The following ASH1L variants were observed in gnomAD, a reference collection of about 807,000 sequenced individuals.
The protein encoded by ASH1L is histone-lysine N-methyltransferase ASH1L.
A neutral mutation model predicts 269.0 loss-of-function variants in ASH1L; 23 were observed. The observed-to-expected ratio is 0.09, with a 90% confidence interval of 0.06 to 0.12. ASH1L has a LOEUF of 0.12. ASH1L is among the 10% of genes least tolerant of loss of function. The probability of loss-of-function intolerance (pLI) is 1.00; values close to 1 mark genes in which losing one functional copy is unlikely to be tolerated. For missense variants in ASH1L, 2,912 were observed against 3,567.8 expected (o/e 0.82, Z 4.68); for synonymous variants, 1,187 against 1,253.5 (o/e 0.95, Z 1.12).
intron 6 of ASH1L, among the ~76,000 whole-genome samples, chr1:155,410,886 G>C (rs765009406): frequency 6.6e-6 from 1 of 151,986 alleles, no homozygotes; most frequent in South Asian, 2.1e-4. Flanking sequence ...GATTACAGGC[G>C]TGAGCAATCG....
chr1:155,465,055 A>G (rs1035599811), intron 3 of ASH1L, among the ~76,000 whole-genome samples: 4 of 152,162 alleles, frequency 2.6e-5, no homozygotes, highest in African/African-American at 7.2e-5. Flanking sequence ...TGGAGGAACT[A>G]AAACAAACCA....
At chr1:155,413,915 A>G (rs1660004659) in intron 6 of ASH1L, among the ~76,000 whole-genome samples, 1 of 152,228 alleles carries the variant, frequency 6.6e-6, no homozygotes, top group African/African-American at 2.4e-5. Flanking sequence ...TATTATAATT[A>G]GCTAAACTTA....
chr1:155,422,262 G>A (rs1457481864), intron 5 of ASH1L, among the ~76,000 whole-genome samples: 5 of 149,914 alleles, frequency 3.3e-5, no homozygotes, highest in East Asian at 2.0e-4. Flanking sequence ...TCAGCCTCCC[G>A]AGTAGCTGGG....
At position 155,528,238 on chromosome 1, in the gene ASH1L, T is replaced by C. The variant is rs149424462; in HGVS notation, c.-99-6620A>G. Among the ~76,000 whole-genome samples, 47 of 152,298 alleles carry C rather than the reference T, an allele frequency of 3.1e-4. No individual in the cohort carries two copies. In the East Asian group the frequency reaches 8.3e-3, roughly 27 times the overall value. On this transcript the variant is annotated intron_variant, in intron 1 of 27. Transcript: ENST00000392403. ...CAGGTTTCATTTCAAAATATGGTAATTCCAAAGAGAAATATTTAGGCCAAA... is the reference window on the plus strand; with the variant it reads ...CAGGTTTCATTTCAAAATATGGTAACTCCAAAGAGAAATATTTAGGCCAAA...
chr1:155,403,856 T>G (rs1471619804), intron 6 of ASH1L, among the ~76,000 whole-genome samples: 4 of 151,060 alleles, frequency 2.6e-5, no homozygotes, highest in Non-Finnish European at 5.9e-5. Flanking sequence ...CCTCTTTCAC[T>G]TCCTGCTGCA....
chr1:155,338,417 G>A (rs1002711001), intron 26 of ASH1L, 27 bp from the exon 27 acceptor site: 4 of 1,597,722 alleles, frequency 2.5e-6, no homozygotes, highest in Admixed American at 1.7e-5. Flanking sequence ...TGAATTTAGT[G>A]TAAGACACTT....
intron 1 of ASH1L, among the ~76,000 whole-genome samples, chr1:155,549,803 T>G (rs914707609): frequency 1.3e-5 from 2 of 152,030 alleles, no homozygotes; most frequent in African/African-American, 4.8e-5. Context: ...CTCATTTCTG[T>G]ACTCCTTATA....
In ASH1L at chr1:155,478,171, A is replaced by G. The variant is rs761177906; in HGVS notation, c.4699T>C (p.Leu1567=). ...AAAGGTGTCTGCAATCCCAAGGCCA[A>G]TGGACTAGATTCTGAAGGCTCTCGG... The part of the protein sequence containing the change: ...VHREPSESSP[L]ALGLQTPLQI... Residue 1567 remains leucine (L), a synonymous_variant, in exon 3 of 28, where the codon TTG becomes CTG. Transcript: ENST00000392403. The surrounding 1 kb of genome is among the most constrained non-coding windows in gnomAD (Gnocchi z 4.6). 3 of 1,614,054 alleles carry G rather than the reference A, an allele frequency of 1.9e-6. No homozygotes were observed. The Admixed American group carries it at 5.0e-5, about 27-fold the overall frequency.
At chr1:155,500,629 G>A (rs1430791973) in intron 2 of ASH1L, among the ~76,000 whole-genome samples, 1 of 152,122 alleles carries the variant, frequency 6.6e-6, no homozygotes, top group Non-Finnish European at 1.5e-5. Flanking sequence ...ATGACAGAAT[G>A]TGCCTATCTT....
Position 155,339,351 on chromosome 1 carries a change from G to C in ASH1L, c.8478C>G (p.Asp2826Glu), listed in dbSNP as rs367682239. ...ACCGTCCTCCATTCCTCTTGTAGTT[G>C]TCTGGGACGTAATGAGGCTGCAGAG... ...KKDFSPHYVP[D>E]NYKRNGGRSS... The change falls in exon 26 of 28, where the codon GAC becomes GAG. Residue 2826 changes from aspartate to glutamate, a missense_variant. Physicochemically the swap from Asp to Glu is conservative, Grantham distance 45. This residue lies in a region of ASH1L where 179 missense variants were observed against 293.8 expected (regional missense o/e 0.61). Transcript: ENST00000392403. 30 of 1,613,576 alleles carry C rather than the reference G, an allele frequency of 1.9e-5. No individual in the cohort carries two copies. The highest frequency in any genetic ancestry group is 1.8e-4 in the Admixed American group (11 of 59,986).
At chr1:155,451,197 C>CA (rs71080705) in intron 4 of ASH1L, among the ~76,000 whole-genome samples, 7,508 of 83,998 alleles carry the variant, frequency 0.089, 281 homozygotes, top group African/African-American at 0.11. Context: ...AACTCCACCT[C>CA]AAAAAAAAAA....
chr1:155,399,433 G>A (rs1019390851), intron 6 of ASH1L, among the ~76,000 whole-genome samples: 14 of 152,088 alleles, frequency 9.2e-5, no homozygotes, highest in African/African-American at 3.1e-4. Flanking sequence ...ACCTGAGGTC[G>A]GGAGTTCAAG....
At chr1:155,519,268 C>G (rs1668705456) in intron 2 of ASH1L, among the ~76,000 whole-genome samples, 1 of 151,978 alleles carries the variant, frequency 6.6e-6, no homozygotes, top group Non-Finnish European at 1.5e-5. Flanking sequence ...AACCCCATCT[C>G]TACTAAAAAA....
intron 6 of ASH1L, among the ~76,000 whole-genome samples, chr1:155,410,658 T>C (rs1659686520): frequency 6.6e-6 from 1 of 151,202 alleles, no homozygotes. Context: ...TATTCTGTTG[T>C]ATGATATTAC....
intron 2 of ASH1L, among the ~76,000 whole-genome samples, chr1:155,496,679 C>T (rs1378326127): frequency 6.6e-6 from 1 of 152,148 alleles, no homozygotes. Flanking sequence ...TGCTCTGTCA[C>T]ATAGGCTGGA....
chr1:155,367,043 G>C (rs930243502), intron 12 of ASH1L, among the ~76,000 whole-genome samples: 12 of 149,254 alleles, frequency 8.0e-5, no homozygotes, highest in Middle Eastern at 3.2e-3. Flanking sequence ...ACACAGGCTG[G>C]AGTGCATTGG....
At chr1:155,339,970 G>T (rs1002969459) in intron 25 of ASH1L, among the ~76,000 whole-genome samples, 2 of 152,118 alleles carry the variant, frequency 1.3e-5, no homozygotes, top group Admixed American at 1.3e-4. Flanking sequence ...TGTATATGCA[G>T]TCCAATGTTG....
At chr1:155,532,930 CAT>C (rs920335545) in intron 1 of ASH1L, among the ~76,000 whole-genome samples, 17 of 136,598 alleles carry the variant, frequency 1.2e-4, no homozygotes, top group African/African-American at 1.4e-4. Flanking sequence ...TATATGTGTG[CAT>C]ATATATGTGT....
chr1:155,460,870 G>GCATA (rs963882282), intron 3 of ASH1L, among the ~76,000 whole-genome samples: 1 of 152,102 alleles, frequency 6.6e-6, no homozygotes, highest in Non-Finnish European at 1.5e-5. Flanking sequence ...AATCTATAGA[G>GCATA]CATATTACAT....
Sources: gnomAD v4.1 joint callset for allele counts (sites outside exome capture counted in the v4.1 genomes callset) on GRCh38, gnomAD v4.1.1 for gene constraint, gnomAD v4.1.1 regional missense constraint, Gnocchi (gnomAD v3.1) non-coding constraint, MANE v1.5 for transcripts, NCBI Gene and HGNC (gene_info 2026-07-23, HGNC 2026-07-21) for gene names.